The following RORA variants were observed in gnomAD, a reference collection of about 807,000 sequenced individuals.
RORA encodes RAR related orphan receptor A.
A neutral mutation model predicts 69.5 loss-of-function variants in RORA; 7 were observed. The ratio of observed to expected loss-of-function variants is 0.10; its 90% CI spans 0.06 to 0.19. The LOEUF (loss-of-function observed/expected upper bound fraction) is 0.19. Among genes scored for constraint, RORA ranks in the 10% least tolerant of loss-of-function variants. RORA has a pLI of 1.00. For missense variants in RORA, 457 were observed against 663.0 expected (o/e 0.69, Z 3.41); for synonymous variants, 261 against 240.8 (o/e 1.08, Z -0.78).
chr15:60,521,142 C>G (rs966560578), intron 3 of RORA, among the ~76,000 whole-genome samples: 1 of 152,082 alleles, frequency 6.6e-6, no homozygotes, highest in Non-Finnish European at 1.5e-5. Context: ...CAAACCAGAA[C>G]TATATATCAA....
intron 1 of RORA, among the ~76,000 whole-genome samples, chr15:61,038,293 A>G (rs908483496): frequency 6.6e-6 from 1 of 152,112 alleles, no homozygotes; most frequent in African/African-American, 2.4e-5. Flanking sequence ...TTCTTCTTAT[A>G]TATGGTTGCC....
chr15:61,138,820 CATAAA>C (rs2079269280), intron 1 of RORA, among the ~76,000 whole-genome samples: 2 of 151,622 alleles, frequency 1.3e-5, no homozygotes, highest in African/African-American at 4.9e-5. Context: ...AGGGACACTG[CATAAA>C]ATAAAATAAA....
chr15:61,159,244 C>T (rs12912669), intron 1 of RORA, among the ~76,000 whole-genome samples: 54,121 of 151,984 alleles, frequency 0.36, 12,019 homozygotes, highest in Non-Finnish European at 0.48. Flanking sequence ...AATGCCACAC[C>T]CCTTCGAGAC....
At chr15:60,503,776 C>T (rs2065405393) in intron 6 of RORA, 109 bp from the exon 7 acceptor site, 4 of 1,274,302 alleles carry the variant, frequency 3.1e-6, no homozygotes, top group Non-Finnish European at 3.2e-6. Context: ...CCCTGGGCCA[C>T]GAAGAGTGGC....
At chr15:60,962,021 C>T (rs993634978) in intron 1 of RORA, among the ~76,000 whole-genome samples, 2 of 152,186 alleles carry the variant, frequency 1.3e-5, no homozygotes, top group Non-Finnish European at 2.9e-5. Flanking sequence ...TTGAAAGGTG[C>T]CCCGGTCCTG....
intron 1 of RORA, among the ~76,000 whole-genome samples, chr15:60,839,594 A>G (rs764383473): frequency 6.6e-6 from 1 of 152,174 alleles, no homozygotes; most frequent in Non-Finnish European, 1.5e-5. Flanking sequence ...GCATTATATC[A>G]ATGCACATCT....
chr15:60,963,832 C>T (rs1190727589), intron 1 of RORA, among the ~76,000 whole-genome samples: 2 of 152,206 alleles, frequency 1.3e-5, no homozygotes, highest in Non-Finnish European at 2.9e-5. Context: ...GTATCCTAGC[C>T]ACAGTAGGAA....
At chr15:60,938,849 G>C (rs1020475318) in intron 1 of RORA, among the ~76,000 whole-genome samples, 1 of 152,014 alleles carries the variant, frequency 6.6e-6, no homozygotes, top group Non-Finnish European at 1.5e-5. Context: ...CTTTTCTTTC[G>C]GCTACTGAAA....
At chr15:61,119,187 C>T (rs866908146) in intron 1 of RORA, among the ~76,000 whole-genome samples, 1 of 151,446 alleles carries the variant, frequency 6.6e-6, no homozygotes, top group African/African-American at 2.4e-5. Flanking sequence ...TCAGGGGCAA[C>T]TTTCGCTTTT....
chr15:60,687,291 T>C (rs1469045786), intron 1 of RORA, among the ~76,000 whole-genome samples: 1 of 152,158 alleles, frequency 6.6e-6, no homozygotes, highest in Non-Finnish European at 1.5e-5. Context: ...TAGAATACCA[T>C]GGGTCCATAA....
chr15:61,114,996 C>T (rs2079037771), intron 1 of RORA, among the ~76,000 whole-genome samples: 1 of 152,176 alleles, frequency 6.6e-6, no homozygotes, highest in African/African-American at 2.4e-5. Flanking sequence ...ATTTCTAAAT[C>T]CCAGAAGCAA....
intron 2 of RORA, among the ~76,000 whole-genome samples, chr15:60,603,924 C>A (rs990068067): frequency 1.3e-5 from 2 of 151,938 alleles, no homozygotes. Context: ...CACCTGAGGT[C>A]GGGAGTTTGA....
At chr15:60,869,320 C>A (rs1173685148) in intron 1 of RORA, among the ~76,000 whole-genome samples, 2 of 152,134 alleles carry the variant, frequency 1.3e-5, no homozygotes, top group Non-Finnish European at 2.9e-5. Flanking sequence ...ACAGATTTTT[C>A]TTTTCCATGA....
rs2066513490 is a variant in RORA at position 60,531,088 on chromosome 15, AAT to A, written c.282+676_282+677del. The A allele has an allele frequency of 6.6e-6, 1 of 152,292 alleles. No individual in the cohort carries two copies. The highest frequency in any genetic ancestry group is 2.4e-5 in the African/African-American group (1 of 41,458). The allele number at this position is 152,292 out of a possible 1,614,324, so 9.4% of individuals were successfully genotyped here. A position where few individuals can be genotyped will look rare whatever the true frequency, so the allele number is the denominator to read the frequency against. ...CCATGACCAAGGTCAGAAATAATAA[AAT>A]AGTCATAGCAGAAATAATACTGATA... On this transcript the variant is annotated intron_variant, in intron 3 of 10. Coordinates refer to ENST00000335670, the MANE Select transcript of RORA (RefSeq NM_134261.3). The surrounding 1 kb of genome is among the most constrained non-coding windows in gnomAD (Gnocchi z 4.8).
rs1567146273 is a variant in RORA, at chr15:60,662,975, CTT to C, written c.196+15680_196+15681del. ...GAGCTGCCTTGCCCAAGGTTATGCC[CTT>C]AGGTGCAGCTGGCACCCAATGGCTG... On this transcript the variant is annotated intron_variant, in intron 2 of 10. Transcript: ENST00000335670. Among the ~76,000 whole-genome samples, 3 of 152,156 alleles carry C rather than the reference CTT, an allele frequency of 2.0e-5. No homozygotes were observed. In the East Asian group the frequency reaches 5.8e-4, roughly 29 times the overall value.
intron 1 of RORA, among the ~76,000 whole-genome samples, chr15:60,794,874 G>A (rs998782628): frequency 3.3e-5 from 5 of 152,128 alleles, no homozygotes; most frequent in African/African-American, 1.2e-4. Context: ...CCGTAGGCCT[G>A]GAGTTCTGCC....
At chr15:61,158,204 G>A (rs2079462770) in intron 1 of RORA, among the ~76,000 whole-genome samples, 1 of 152,130 alleles carries the variant, frequency 6.6e-6, no homozygotes, top group South Asian at 2.1e-4. Flanking sequence ...GTGATCCCTG[G>A]AGTGCTCGAA....
chr15:61,025,199 T>C (rs1261054422), intron 1 of RORA, among the ~76,000 whole-genome samples: 1 of 152,206 alleles, frequency 6.6e-6, no homozygotes, highest in East Asian at 1.9e-4. Flanking sequence ...GCCATTCTTA[T>C]GGCATAGCAC....
intron 2 of RORA, chr15:60,592,639 C>G: frequency 8.9e-7 from 1 of 1,129,726 alleles, no homozygotes; most frequent in Non-Finnish European, 1.1e-6. Context: ...GGGCGGGAGG[C>G]GGGAGGCGGG....
Sources: allele counts gnomAD v4.1 joint callset (sites outside exome capture counted in the v4.1 genomes callset), GRCh38; gene constraint gnomAD v4.1.1; non-coding constraint Gnocchi (gnomAD v3.1); transcripts MANE v1.5; gene names NCBI Gene and HGNC (gene_info 2026-07-23, HGNC 2026-07-21).